Variants in LDLRAD3 observed in about 807,000 individuals in gnomAD.
The protein encoded by LDLRAD3 is low density lipoprotein receptor class A domain containing 3.
In LDLRAD3, 20 loss-of-function variants were observed where a neutral mutation model predicts 29.4. The ratio of observed to expected loss-of-function variants is 0.68; its 90% CI spans 0.48 to 0.99. The LOEUF (loss-of-function observed/expected upper bound fraction) is 0.99. Ranked by LOEUF, LDLRAD3 falls within the 50% of genes least tolerant of loss-of-function variation. The pLI is 0.00. For synonymous variants in LDLRAD3, 157 were observed against 192.7 expected (o/e 0.81, Z 1.53); for missense variants, 420 against 454.3 (o/e 0.92, Z 0.69).
At chr11:36,198,311 A>G (rs796566094) in intron 4 of LDLRAD3, among the ~76,000 whole-genome samples, 5 of 152,274 alleles carry the variant, frequency 3.3e-5, no homozygotes, top group African/African-American at 7.2e-5. Context: ...CCATCCAATC[A>G]TAGCCATTAT....
rs996187146 is a variant in LDLRAD3 at position 36,001,792 on chromosome 11, T to TGC, written c.47-34310_47-34309dup. 3.4e-4 allele frequency among the ~76,000 whole-genome samples: 50 copies of TGC among 144,928 alleles called. No individual in the cohort carries two copies. In the South Asian group the frequency reaches 5.2e-3, roughly 15 times the overall value. Reference sequence around the variant, plus strand: ...GTGTGTGTGTGTGTGTGTGTGTGTGTGCACATAATTTGTAACGTTCTTTTT... The same window carrying TGC: ...GTGTGTGTGTGTGTGTGTGTGTGTGTGCGCACATAATTTGTAACGTTCTTTTT... On this transcript the variant is annotated intron_variant, in intron 1 of 5. Transcript: ENST00000315571.
rs539566092 is a variant in LDLRAD3 at position 36,231,746 on chromosome 11, T to C, written c.*2349T>C. 2.0e-5 allele frequency: 3 copies of C among 152,122 alleles called. No individual in the cohort carries two copies. The highest frequency in any genetic ancestry group is 2.1e-4 in the South Asian group (1 of 4,832). 9.4% of individuals were successfully genotyped at this position (152,122 alleles called of 1,614,324 possible). ...GGACACCAAAGCGGCAGGGTTTTTT[T>C]GGGGGGGAGGGGGTTTGTTTTCCAA... On this transcript the variant is annotated 3_prime_UTR_variant, in exon 6 of 6. Transcript: ENST00000315571.
At chr11:36,089,044 C>A (rs1334129978) in intron 3 of LDLRAD3, among the ~76,000 whole-genome samples, 1 of 152,196 alleles carries the variant, frequency 6.6e-6, no homozygotes, top group Non-Finnish European at 1.5e-5. Flanking sequence ...AGCTATATTT[C>A]CAGCGCCATG....
intron 3 of LDLRAD3, among the ~76,000 whole-genome samples, chr11:36,095,628 A>G (rs1853348691): frequency 6.6e-6 from 1 of 152,178 alleles, no homozygotes; most frequent in South Asian, 2.1e-4. Context: ...AGACATACAC[A>G]CACATAAACA....
intron 2 of LDLRAD3, among the ~76,000 whole-genome samples, chr11:36,038,187 G>T (rs943368554): frequency 2.6e-5 from 4 of 152,114 alleles, no homozygotes; most frequent in Admixed American, 2.0e-4. Flanking sequence ...TTACAGATGT[G>T]AGCCACCAAG....
At chr11:36,095,353 C>T (rs1853344747) in intron 3 of LDLRAD3, among the ~76,000 whole-genome samples, 1 of 148,044 alleles carries the variant, frequency 6.8e-6, no homozygotes, top group Admixed American at 6.9e-5. Flanking sequence ...CCTCCACATT[C>T]TTGCCAATGA....
intron 1 of LDLRAD3, among the ~76,000 whole-genome samples, chr11:36,018,444 A>G (rs947667050): frequency 2.0e-5 from 3 of 152,172 alleles, no homozygotes; most frequent in African/African-American, 7.2e-5. Context: ...TTTTCATAAT[A>G]TGCATTTTCA....
intron 4 of LDLRAD3, among the ~76,000 whole-genome samples, chr11:36,108,319 CAAAAAAAAAA>C (rs60376519): frequency 1.0e-4 from 5 of 48,978 alleles, no homozygotes; most frequent in Admixed American, 3.8e-4. Flanking sequence ...GACTCCATCT[CAAAAAAAAAA>C]AAAAAAAAAA....
At chr11:36,186,567 T>G (rs1354769861) in intron 4 of LDLRAD3, among the ~76,000 whole-genome samples, 1 of 152,176 alleles carries the variant, frequency 6.6e-6, no homozygotes, top group Non-Finnish European at 1.5e-5. Context: ...AAGAGACATG[T>G]GAGTTACTGA....
chr11:36,047,222 T>C (rs902582213), intron 2 of LDLRAD3, among the ~76,000 whole-genome samples: 2 of 152,214 alleles, frequency 1.3e-5, no homozygotes, highest in Admixed American at 6.5e-5. Context: ...TGTCGGTGTT[T>C]ATAAAGCAAG....
At chr11:35,957,826 G>GA (rs1303386087) in intron 1 of LDLRAD3, among the ~76,000 whole-genome samples, 1 of 132,424 alleles carries the variant, frequency 7.6e-6, no homozygotes, top group African/African-American at 2.8e-5. Flanking sequence ...GAAAAGAAAA[G>GA]AAAAAAATAC....
At chr11:36,050,242 T>C (rs948009034) in intron 2 of LDLRAD3, among the ~76,000 whole-genome samples, 1 of 152,216 alleles carries the variant, frequency 6.6e-6, no homozygotes, top group African/African-American at 2.4e-5. Flanking sequence ...ACAAGTGAAC[T>C]GTAGCAGGAT....
chr11:36,068,210 T>C (rs1852829262), intron 2 of LDLRAD3, among the ~76,000 whole-genome samples: 1 of 152,176 alleles, frequency 6.6e-6, no homozygotes, highest in Admixed American at 6.5e-5. Context: ...AGCAAAGCCT[T>C]AGACTGTCTA....
At chr11:35,951,089 A>T (rs1179654216) in intron 1 of LDLRAD3, among the ~76,000 whole-genome samples, 1 of 152,128 alleles carries the variant, frequency 6.6e-6, no homozygotes, top group Non-Finnish European at 1.5e-5. Flanking sequence ...CTCAAAAAAT[A>T]AAAAATTAAA....
At chr11:36,134,340 T>C (rs1028965075) in intron 4 of LDLRAD3, among the ~76,000 whole-genome samples, 2 of 152,230 alleles carry the variant, frequency 1.3e-5, no homozygotes, top group Non-Finnish European at 2.9e-5. Flanking sequence ...TAATAAGCAC[T>C]AATGATATTA....
intron 4 of LDLRAD3, among the ~76,000 whole-genome samples, chr11:36,103,777 C>T (rs1590269896): frequency 6.6e-6 from 1 of 152,196 alleles, no homozygotes; most frequent in East Asian, 1.9e-4. Flanking sequence ...TTAAATCCTG[C>T]TTTTCTCTCT....
At chr11:36,071,574 G>A (rs1477504218) in intron 2 of LDLRAD3, among the ~76,000 whole-genome samples, 1 of 152,186 alleles carries the variant, frequency 6.6e-6, no homozygotes, top group East Asian at 1.9e-4. Context: ...TTATTGACAA[G>A]AAAAGATGTC....
At chr11:35,947,469 C>T (rs1292995972) in intron 1 of LDLRAD3, among the ~76,000 whole-genome samples, 5 of 151,382 alleles carry the variant, frequency 3.3e-5, no homozygotes, top group African/African-American at 1.2e-4. Context: ...AAGATCGCGC[C>T]GCTGCACTCC....
At chr11:35,973,128 C>T (rs897328963) in intron 1 of LDLRAD3, among the ~76,000 whole-genome samples, 10 of 149,618 alleles carry the variant, frequency 6.7e-5, no homozygotes, top group African/African-American at 2.5e-4. Context: ...CCCTGGTCTC[C>T]TCCCTGGAGG....
Sources: gnomAD v4.1 joint callset for allele counts (sites outside exome capture counted in the v4.1 genomes callset) on GRCh38, gnomAD v4.1.1 for gene constraint, MANE v1.5 for transcripts, NCBI Gene and HGNC (gene_info 2026-07-23, HGNC 2026-07-21) for gene names.